TRPC4: variants seen among roughly 807,000 people sequenced by gnomAD.
TRPC4 encodes transient receptor potential cation channel subfamily C member 4, also known as short transient receptor potential channel 4.
In TRPC4, 49 loss-of-function variants were observed where a neutral mutation model predicts 99.4. That is an observed-to-expected ratio of 0.49 (90% CI 0.39 to 0.63). The LOEUF (loss-of-function observed/expected upper bound fraction) is 0.63, where lower values mean the gene tolerates loss of function less well. Ranked by LOEUF, TRPC4 falls within the 20% of genes least tolerant of loss-of-function variation. The probability of loss-of-function intolerance (pLI) is 0.00; values close to 1 mark genes in which losing one functional copy is unlikely to be tolerated. For missense variants in TRPC4, 898 were observed against 1,152.9 expected, an observed-to-expected ratio of 0.78 and a Z score of 3.20; for synonymous variants, 454 against 425.9, an observed-to-expected ratio of 1.07 and a Z score of -0.81.
intron 1 of TRPC4, among the ~76,000 whole-genome samples, chr13:37,860,936 A>G (rs1959271273): frequency 6.6e-6 from 1 of 151,562 alleles, no homozygotes; most frequent in Admixed American, 6.6e-5. Flanking sequence ...ATTTAAAGTA[A>G]TCCAGATGAA....
At chr13:37,808,435 A>G (rs948167138) in intron 1 of TRPC4, among the ~76,000 whole-genome samples, 2 of 152,080 alleles carry the variant, frequency 1.3e-5, no homozygotes, top group African/African-American at 4.8e-5. Context: ...ATTGTAGCTA[A>G]AAGTTTGGGA....
intron 2 of TRPC4, among the ~76,000 whole-genome samples, chr13:37,765,219 C>T (rs942089327): frequency 2.0e-5 from 3 of 151,144 alleles, no homozygotes; most frequent in Non-Finnish European, 3.0e-5. Context: ...AGTGTCTTTT[C>T]CCCCAATATT....
chr13:37,699,217 T>C (rs1954020811), intron 3 of TRPC4, among the ~76,000 whole-genome samples: 1 of 152,116 alleles, frequency 6.6e-6, no homozygotes, highest in Non-Finnish European at 1.5e-5. Context: ...AAAGTATGAG[T>C]TCCTAGGTCA....
At chr13:37,735,447 T>C (rs184571351) in intron 3 of TRPC4, among the ~76,000 whole-genome samples, 194 of 152,254 alleles carry the variant, frequency 1.3e-3, no homozygotes, top group African/African-American at 4.4e-3. Context: ...AGAGAAAATA[T>C]CAGTCACTAA....
chr13:37,802,820 C>G, intron 1 of TRPC4, among the ~76,000 whole-genome samples: 1 of 152,052 alleles, frequency 6.6e-6, no homozygotes. Flanking sequence ...TTTCTCCTTA[C>G]AGTTTTGCCC....
rs74047183 is a variant in TRPC4 at position 37,798,759 on chromosome 13, A to G, written c.-27-15399T>C. On this transcript the variant is annotated intron_variant, in intron 1 of 10. Transcript: ENST00000379705. ...AACTATATAAGTGTTTGGAAGTAAA[A>G]TCATGATTGTTATGCAAATTCCACA... Among the ~76,000 whole-genome samples, 912 of 152,252 alleles carry G rather than the reference A, an allele frequency of 6.0e-3. 7 individuals are homozygous for G. The highest frequency in any genetic ancestry group is 0.021 in the African/African-American group (864 of 41,546).
At chr13:37,773,799 T>C (rs1426320125) in intron 2 of TRPC4, among the ~76,000 whole-genome samples, 1 of 151,816 alleles carries the variant, frequency 6.6e-6, no homozygotes, top group Non-Finnish European at 1.5e-5. Context: ...GTGACTAGGG[T>C]AAAATATTGA....
chr13:37,792,662 G>C (rs927651157), intron 1 of TRPC4, among the ~76,000 whole-genome samples: 4 of 151,532 alleles, frequency 2.6e-5, no homozygotes, highest in Admixed American at 2.6e-4. Context: ...AGCAAAATAT[G>C]TTCAGTGTTT....
chr13:37,698,167 C>CTTTTTTTTTTT lies in TRPC4; in HGVS notation c.898-5843_898-5833dup, dbSNP rs67611413. Among the ~76,000 whole-genome samples the CTTTTTTTTTTT allele has an allele frequency of 2.3e-4, 10 of 42,560 alleles. 1 individual carries two copies. Among genetic ancestry groups the CTTTTTTTTTTT allele is most frequent in the African/African-American group, 7.3e-4 (7 of 9,550 alleles). 27.9% of individuals were successfully genotyped at this position (42,560 alleles called of 152,430 possible). A position where few individuals can be genotyped will look rare whatever the true frequency, so the allele number is the denominator to read the frequency against. ...TCTCAAGGTTACTCCAAGGACTAACCTTTTTTTTTTTGAGTGGGAATCTCA... is the reference window on the plus strand; with the variant it reads ...TCTCAAGGTTACTCCAAGGACTAACCTTTTTTTTTTTTTTTTTTTTTTGAGTGGGAATCTCA... On this transcript the variant is annotated intron_variant, in intron 3 of 10. Transcript: ENST00000379705.
chr13:37,814,344 A>C (rs1957784894), intron 1 of TRPC4, among the ~76,000 whole-genome samples: 1 of 151,652 alleles, frequency 6.6e-6, no homozygotes, highest in Non-Finnish European at 1.5e-5. Context: ...GGTAAGGGAA[A>C]AAAAAGGTAT....
At position 37,636,764 on chromosome 13, in the gene TRPC4, T is replaced by A. The variant is rs552395340; in HGVS notation, c.*139A>T. 9.7e-7 allele frequency: 1 copy of A among 1,027,704 alleles called. No homozygotes were observed. Among genetic ancestry groups the A allele is most frequent in the South Asian group, 2.5e-5 (1 of 39,356 alleles). The allele number at this position is 1,027,704 out of a possible 1,614,324, so 63.7% of individuals were successfully genotyped here. ...TGATTGCCTTTGCCTTATTTAAACA[T>A]GTTACAGGTAATATGCCACAGCTGA... is the stretch of plus-strand genomic sequence containing the variant. On this transcript the variant is annotated 3_prime_UTR_variant, in exon 11 of 11. Coordinates refer to ENST00000379705, the MANE Select transcript of TRPC4 (RefSeq NM_016179.4).
At chr13:37,828,263 G>A (rs949397843) in intron 1 of TRPC4, among the ~76,000 whole-genome samples, 7 of 152,284 alleles carry the variant, frequency 4.6e-5, no homozygotes, top group East Asian at 1.9e-4. Flanking sequence ...GCTGTAGACC[G>A]GAGCTGTTCC....
chr13:37,662,449 A>G (rs1952479352), intron 6 of TRPC4, among the ~76,000 whole-genome samples: 1 of 152,220 alleles, frequency 6.6e-6, no homozygotes. Flanking sequence ...AGTTTTAAAT[A>G]TTGGAGCTAA....
intron 3 of TRPC4, among the ~76,000 whole-genome samples, chr13:37,722,446 G>A (rs1217164733): frequency 2.6e-5 from 4 of 152,284 alleles, no homozygotes; most frequent in South Asian, 2.1e-4. Flanking sequence ...CACTGACTCC[G>A]TACTGGTAAA....
At chr13:37,823,202 T>A (rs1958072500) in intron 1 of TRPC4, among the ~76,000 whole-genome samples, 1 of 148,618 alleles carries the variant, frequency 6.7e-6, no homozygotes, top group Non-Finnish European at 1.5e-5. Flanking sequence ...TTGCGAAAAT[T>A]TTCTCCCATT....
rs1951462695 is a variant in TRPC4, at chr13:37,634,540, T to A, written c.*2363A>T. On this transcript the variant is annotated 3_prime_UTR_variant, in exon 11 of 11. Coordinates refer to ENST00000379705, the MANE Select transcript of TRPC4 (RefSeq NM_016179.4). Reference sequence around the variant, plus strand: ...TGTCCCCCTATAAAATGTCAGCACCTTAACCCCTGATATAAATAAGCTACT... The same window carrying A: ...TGTCCCCCTATAAAATGTCAGCACCATAACCCCTGATATAAATAAGCTACT... Among the ~76,000 whole-genome samples the A allele has an allele frequency of 6.6e-6, 1 of 152,070 alleles. No individual in the cohort carries two copies. The highest frequency in any genetic ancestry group is 2.4e-5 in the African/African-American group (1 of 41,436).
intron 1 of TRPC4, among the ~76,000 whole-genome samples, chr13:37,826,789 C>G (rs1227858495): frequency 6.6e-6 from 1 of 152,046 alleles, no homozygotes; most frequent in Non-Finnish European, 1.5e-5. Flanking sequence ...TTGTGGCATT[C>G]TCTGTATTTC....
At chr13:37,803,273 T>C (rs1566182374) in intron 1 of TRPC4, among the ~76,000 whole-genome samples, 1 of 152,066 alleles carries the variant, frequency 6.6e-6, no homozygotes, top group Non-Finnish European at 1.5e-5. Flanking sequence ...CAAATTTCCT[T>C]TTAATGAAGC....
chr13:37,732,572 G>A (rs1955274039), intron 3 of TRPC4, among the ~76,000 whole-genome samples: 1 of 152,028 alleles, frequency 6.6e-6, no homozygotes, highest in Non-Finnish European at 1.5e-5. Context: ...AAACCATAAA[G>A]GCTTCACAAA....
Sources: gnomAD v4.1 joint callset for allele counts (sites outside exome capture counted in the v4.1 genomes callset) on GRCh38, gnomAD v4.1.1 for gene constraint, MANE v1.5 for transcripts, NCBI Gene and HGNC (gene_info 2026-07-23, HGNC 2026-07-21) for gene names.